HDAC9: variants seen among roughly 807,000 people sequenced by gnomAD.
The protein encoded by HDAC9 is MEF-2 interacting transcription repressor (MITR) protein.
HDAC9 carries 41 observed loss-of-function variants against 139.4 expected under a neutral mutation model. The ratio of observed to expected loss-of-function variants is 0.29; its 90% CI spans 0.23 to 0.38. The LOEUF (loss-of-function observed/expected upper bound fraction) is 0.38, where lower values mean the gene tolerates loss of function less well. HDAC9 is among the 10% of genes least tolerant of loss of function. The pLI, the probability that HDAC9 is intolerant of heterozygous loss-of-function variation, is 1.00. For missense variants in HDAC9, 1,147 were observed against 1,297.0 expected, an observed-to-expected ratio of 0.88 and a Z score of 1.78; for synonymous variants, 517 against 476.2, an observed-to-expected ratio of 1.09 and a Z score of -1.12.
intron 23 of HDAC9, among the ~76,000 whole-genome samples, chr7:18,950,022 TAACA>T (rs1204559295): frequency 6.6e-6 from 1 of 152,120 alleles, no homozygotes. Flanking sequence ...TTAGAGAAGT[TAACA>T]AACATCTAAA....
At chr7:18,581,432 C>G (rs1827798820) in intron 2 of HDAC9, among the ~76,000 whole-genome samples, 1 of 152,126 alleles carries the variant, frequency 6.6e-6, no homozygotes, top group South Asian at 2.1e-4. Flanking sequence ...GTTAAGAAGT[C>G]AAATTACCCT....
chr7:18,591,620 C>T lies in HDAC9; in HGVS notation c.520C>T (p.Arg174Cys), dbSNP rs745896467. The change falls in exon 5 of 26, where the codon CGC (arginine) becomes TGC (cysteine). Residue 174 changes from arginine (R) to cysteine (C), a missense_variant. Around this residue, in one of 7 missense-constraint regions of HDAC9, gnomAD observed 79 missense variants for 65.8 expected, o/e 1.20. Transcript: ENST00000686413. ...TAATGGAAAAAATCATTCCGTGAGC[C>T]GCCATCCCAAGCTCTGGTACACGTA... ...PTNGKNHSVS[R>C]HPKLWYTAAH... 4 of 1,613,302 alleles carry T rather than the reference C, an allele frequency of 2.5e-6. No homozygotes were observed. The highest frequency in any genetic ancestry group is 1.3e-5 in the African/African-American group (1 of 74,944).
Position 18,334,623 on chromosome 7 carries a change from C to A in HDAC9, c.-42+44108C>A, listed in dbSNP as rs148623523. 2.8e-3 allele frequency among the ~76,000 whole-genome samples: 428 copies of A among 151,484 alleles called. 4 individuals are homozygous for A. Among genetic ancestry groups the A allele is most frequent in the African/African-American group, 1.0e-2 (412 of 41,394 alleles). ...ATTAATAAAAAACATACGTTTATAT[C>A]CATTATTTCCAGAAACTCCACTCAA... On this transcript the variant is annotated intron_variant, in intron 1 of 3. Transcript: ENST00000413509.
intron 1 of HDAC9, among the ~76,000 whole-genome samples, chr7:18,328,191 T>C (rs1161699132): frequency 6.6e-6 from 1 of 151,878 alleles, no homozygotes; most frequent in Non-Finnish European, 1.5e-5. Flanking sequence ...TACACAGTAA[T>C]CTAAGGGTGA....
intron 12 of HDAC9, among the ~76,000 whole-genome samples, chr7:18,696,528 C>A (rs1451284712): frequency 6.7e-6 from 1 of 149,736 alleles, no homozygotes; most frequent in African/African-American, 2.5e-5. Context: ...AGTGCAGTGG[C>A]GCGATCTTGG....
At chr7:18,231,892 T>C (rs1226706171) in intron 2 of HDAC9, among the ~76,000 whole-genome samples, 2 of 152,240 alleles carry the variant, frequency 1.3e-5, no homozygotes, top group Non-Finnish European at 2.9e-5. Context: ...AAATCATTTG[T>C]ATTCCATTGT....
At chr7:18,109,253 C>G (rs1484948601) in intron 1 of HDAC9, among the ~76,000 whole-genome samples, 1 of 152,120 alleles carries the variant, frequency 6.6e-6, no homozygotes, top group Admixed American at 6.5e-5. Context: ...AGCATTTTTT[C>G]CCCCTTAACT....
At chr7:18,557,827 G>A (rs1320583663) in intron 2 of HDAC9, among the ~76,000 whole-genome samples, 4 of 150,806 alleles carry the variant, frequency 2.7e-5, no homozygotes, top group African/African-American at 9.7e-5. Context: ...GGCATATTAG[G>A]GGCTTAATAA....
At chr7:18,288,690 T>C (rs1473876606), upstream of HDAC9, among the ~76,000 whole-genome samples, 1 of 152,200 alleles carries the variant, frequency 6.6e-6, no homozygotes, top group African/African-American at 2.4e-5. Context: ...TACTTGTTTT[T>C]AAAAGTGAAG....
chr7:18,913,988 T>G (rs1388383693), intron 22 of HDAC9, among the ~76,000 whole-genome samples: 2 of 152,054 alleles, frequency 1.3e-5, no homozygotes, highest in East Asian at 3.9e-4. Flanking sequence ...AAAATTGATA[T>G]GTTAAAACCT....
intron 22 of HDAC9, among the ~76,000 whole-genome samples, chr7:18,901,831 A>C (rs1480845853): frequency 1.3e-5 from 2 of 152,180 alleles, no homozygotes; most frequent in African/African-American, 4.8e-5. Flanking sequence ...ATACATTTCT[A>C]ATCTACTGCA....
At chr7:18,411,921 G>T (rs1018305728) in intron 1 of HDAC9, among the ~76,000 whole-genome samples, 1 of 150,244 alleles carries the variant, frequency 6.7e-6, no homozygotes, top group Non-Finnish European at 1.5e-5. Context: ...CACCTCCCGG[G>T]TTCAGGTGAT....
At chr7:18,849,667 A>C (rs1461981464) in intron 21 of HDAC9, among the ~76,000 whole-genome samples, 1 of 152,156 alleles carries the variant, frequency 6.6e-6, no homozygotes, top group Non-Finnish European at 1.5e-5. Context: ...AACTTTTAAG[A>C]CTTCATTTGT....
At chr7:18,528,828 T>G (rs1002038840) in intron 2 of HDAC9, among the ~76,000 whole-genome samples, 12 of 152,152 alleles carry the variant, frequency 7.9e-5, no homozygotes, top group African/African-American at 2.9e-4. Flanking sequence ...CCTCTCTACC[T>G]CCACTCTTCT....
At chr7:18,586,217 A>G (rs1183723269) in intron 3 of HDAC9, among the ~76,000 whole-genome samples, 1 of 152,106 alleles carries the variant, frequency 6.6e-6, no homozygotes, top group Non-Finnish European at 1.5e-5. Flanking sequence ...AACTTATTTT[A>G]TTATCTAATA....
At chr7:18,800,584 G>A (rs1329540254) in intron 17 of HDAC9, among the ~76,000 whole-genome samples, 1 of 152,112 alleles carries the variant, frequency 6.6e-6, no homozygotes, top group Admixed American at 6.6e-5. Flanking sequence ...TGTAATCCCA[G>A]CACTTAAGGA....
intron 21 of HDAC9, among the ~76,000 whole-genome samples, chr7:18,841,919 T>C (rs1406753368): frequency 6.6e-6 from 1 of 152,146 alleles, no homozygotes; most frequent in African/African-American, 2.4e-5. Flanking sequence ...AATGTTTTCA[T>C]CTTTGTTAAA....
intron 1 of HDAC9, chr7:18,327,782 A>G (rs928802314): frequency 6.6e-6 from 1 of 152,098 alleles, no homozygotes. Flanking sequence ...ATTTCCTACT[A>G]TCTAACTTAC....
intron 22 of HDAC9, among the ~76,000 whole-genome samples, chr7:18,933,811 T>A (rs910317883): frequency 1.3e-5 from 2 of 152,100 alleles, no homozygotes; most frequent in Non-Finnish European, 2.9e-5. Context: ...GAAAGTATCA[T>A]AATGACCAAT....
Sources: gnomAD v4.1 joint callset for allele counts (sites outside exome capture counted in the v4.1 genomes callset) on GRCh38, gnomAD v4.1.1 for gene constraint, gnomAD v4.1.1 regional missense constraint, MANE v1.5 for transcripts, NCBI Gene and HGNC (gene_info 2026-07-23, HGNC 2026-07-21) for gene names.